Variants in PREX2 observed in about 807,000 individuals in gnomAD.
PREX2 encodes the protein phosphatidylinositol-3,4,5-trisphosphate dependent Rac exchange factor 2, also known as phosphatidylinositol 3,4,5-trisphosphate-dependent Rac exchanger 2 protein.
In PREX2, 107 loss-of-function variants were observed where a neutral mutation model predicts 203.2. That is an observed-to-expected ratio of 0.53 (90% CI 0.45 to 0.62). The LOEUF is 0.62. PREX2 is among the 20% of genes least tolerant of loss of function. PREX2 has a pLI of 0.00. For missense variants in PREX2, 1,777 were observed against 1,955.9 expected, an observed-to-expected ratio of 0.91 and a Z score of 1.72; for synonymous variants, 672 against 663.6, an observed-to-expected ratio of 1.01 and a Z score of -0.19.
At chr8:68,010,118 C>T (rs2129609967) in intron 1 of PREX2, among the ~76,000 whole-genome samples, 1 of 152,298 alleles carries the variant, frequency 6.6e-6, no homozygotes, top group South Asian at 2.1e-4. Flanking sequence ...TAAACTTTTT[C>T]TATCTTCTAC....
intron 10 of PREX2, among the ~76,000 whole-genome samples, chr8:68,060,459 AGT>A: frequency 6.6e-6 from 1 of 152,408 alleles, no homozygotes; most frequent in East Asian, 1.9e-4. Flanking sequence ...AGTATAGTTT[AGT>A]AATGTCAGAA....
chr8:68,047,469 T>TTATATATATA (rs3056653), intron 8 of PREX2, among the ~76,000 whole-genome samples: 25 of 117,598 alleles, frequency 2.1e-4, no homozygotes, highest in Non-Finnish European at 3.7e-4. Flanking sequence ...ATGGATGAAT[T>TTATATATATA]TATATATATA....
intron 1 of PREX2, among the ~76,000 whole-genome samples, chr8:67,995,714 G>C (rs898601504): frequency 6.6e-5 from 10 of 152,086 alleles, no homozygotes; most frequent in Non-Finnish European, 1.3e-4. Flanking sequence ...AACGTAATTT[G>C]TTTATCCATT....
chr8:68,226,777 G>C (rs1813064340), intron 39 of PREX2, among the ~76,000 whole-genome samples: 1 of 152,194 alleles, frequency 6.6e-6, no homozygotes, highest in Non-Finnish European at 1.5e-5. Context: ...ATAGTACACA[G>C]TGTGTGATGG....
chr8:68,040,401 C>T (rs1808163194), intron 7 of PREX2, among the ~76,000 whole-genome samples: 1 of 152,102 alleles, frequency 6.6e-6, no homozygotes, highest in African/African-American at 2.4e-5. Flanking sequence ...CTGCCTCTCA[C>T]ATCATCACAT....
chr8:68,003,356 A>G (rs1181972169), intron 1 of PREX2, among the ~76,000 whole-genome samples: 1 of 99,578 alleles, frequency 1.0e-5, no homozygotes, highest in Non-Finnish European at 2.4e-5. Flanking sequence ...TGATTAAAAC[A>G]ATGTGACTCT....
At chr8:67,960,789 T>C (rs1490841727) in intron 1 of PREX2, among the ~76,000 whole-genome samples, 1 of 152,084 alleles carries the variant, frequency 6.6e-6, no homozygotes, top group Non-Finnish European at 1.5e-5. Context: ...AAGAGAACCG[T>C]AATGATTTGG....
intron 1 of PREX2, among the ~76,000 whole-genome samples, chr8:67,956,263 C>T (rs1407171788): frequency 6.6e-6 from 1 of 152,208 alleles, no homozygotes; most frequent in Non-Finnish European, 1.5e-5. Context: ...TTCCTGTTTG[C>T]AAACCTGTGA....
chr8:68,224,605 G>A lies in PREX2; in HGVS notation c.4754G>A (p.Arg1585Gln), dbSNP rs746734356. ...NTAKNLGVRD[R>Q]TPQSAPRLYK... ...GCGAAGAATTTGGGAGTCAGAGACCGGACTCCACAGTCTGCACCAAGGTAA... is the reference window on the plus strand; with the variant it reads ...GCGAAGAATTTGGGAGTCAGAGACCAGACTCCACAGTCTGCACCAAGGTAA... The change falls in exon 39 of 40, where the codon CGG (arginine) becomes CAG (glutamine). Residue 1585 changes from arginine (R) to glutamine (Q), a missense_variant. By Grantham distance (43) the Arg-to-Gln change is conservative (BLOSUM62 1). Coordinates refer to ENST00000288368, the MANE Select transcript of PREX2 (RefSeq NM_024870.4). The A allele has an allele frequency of 1.4e-5, 22 of 1,613,184 alleles. No homozygotes were observed. The Middle Eastern group carries it at 8.2e-4, about 60-fold the overall frequency.
At chr8:68,108,420 C>T in intron 24 of PREX2, 89 bp downstream of exon 24, 1 of 836,988 alleles carries the variant, frequency 1.2e-6, no homozygotes, top group Non-Finnish European at 1.9e-6. Context: ...CAATAGATAC[C>T]TGGTGTGCAA....
At chr8:68,120,388 T>C (rs185031462) in intron 29 of PREX2, 102 bp downstream of exon 29, 7 of 734,678 alleles carry the variant, frequency 9.5e-6, no homozygotes, top group African/African-American at 8.7e-5. Context: ...ACAATTCCAG[T>C]TACTCATGTT....
chr8:68,022,294 T>G (rs1285147737), intron 4 of PREX2, among the ~76,000 whole-genome samples, 154 bp downstream of exon 4: 1 of 152,052 alleles, frequency 6.6e-6, no homozygotes, highest in Non-Finnish European at 1.5e-5. Flanking sequence ...AAAATAAAAG[T>G]GAGAGCTGGG....
intron 37 of PREX2, among the ~76,000 whole-genome samples, chr8:68,200,601 A>G (rs1563584882): frequency 7.1e-6 from 1 of 141,262 alleles, no homozygotes; most frequent in Non-Finnish European, 1.5e-5. Context: ...ATGTGATATC[A>G]TTGTCTCTTT....
At chr8:68,001,750 A>G (rs1433705166) in intron 1 of PREX2, among the ~76,000 whole-genome samples, 1 of 152,248 alleles carries the variant, frequency 6.6e-6, no homozygotes, top group East Asian at 1.9e-4. Context: ...CATACCACAG[A>G]ATACTATACA....
At position 68,003,418 on chromosome 8, in the gene PREX2, T is replaced by C. The variant is rs140097329; in HGVS notation, c.142-14428T>C. Among the ~76,000 whole-genome samples, 929 of 152,312 alleles carry C rather than the reference T, an allele frequency of 6.1e-3. 18 individuals are homozygous for C. Among genetic ancestry groups the C allele is most frequent in the African/African-American group, 0.021 (891 of 41,554 alleles). ...AAAAGATTATTGGAGGTTAAGGGTC[T>C]GGGGCCACCTTTCTTGGGTGGAGCT... On this transcript the variant is annotated intron_variant, in intron 1 of 39. Coordinates refer to ENST00000288368, the MANE Select transcript of PREX2 (RefSeq NM_024870.4).
rs76343829 is a variant in PREX2 at position 68,175,184 on chromosome 8, G to A, written c.4347-16538G>A. Among the ~76,000 whole-genome samples the A allele has an allele frequency of 4.7e-3, 721 of 152,260 alleles. 6 individuals carry two copies. The highest frequency in any genetic ancestry group is 0.016 in the African/African-American group (674 of 41,542). ...AGTTCTGACAGATGACTACCGGTGG[G>A]CCAGGCGGAGAGCAGTGGAGAAGCT... is the stretch of plus-strand genomic sequence containing the variant. On this transcript the variant is annotated intron_variant, in intron 35 of 39. Transcript: ENST00000288368.
At chr8:68,201,025 C>T (rs899605895) in intron 37 of PREX2, among the ~76,000 whole-genome samples, 2 of 152,128 alleles carry the variant, frequency 1.3e-5, no homozygotes, top group Non-Finnish European at 2.9e-5. Context: ...ACAGTATCTA[C>T]TTTAAAAACG....
At chr8:68,179,353 G>T (rs188787099) in intron 35 of PREX2, among the ~76,000 whole-genome samples, 121 of 152,048 alleles carry the variant, frequency 8.0e-4, no homozygotes, top group African/African-American at 2.1e-3. Context: ...TTTTAAAGCT[G>T]CTGAGAGATG....
At chr8:68,159,988 A>G (rs1221837364) in intron 35 of PREX2, among the ~76,000 whole-genome samples, 1 of 152,182 alleles carries the variant, frequency 6.6e-6, no homozygotes, top group Non-Finnish European at 1.5e-5. Flanking sequence ...TTGACTCTAG[A>G]AAATAAAACA....
Sources: allele counts gnomAD v4.1 joint callset (sites outside exome capture counted in the v4.1 genomes callset), GRCh38; gene constraint gnomAD v4.1.1; transcripts MANE v1.5; gene names NCBI Gene and HGNC (gene_info 2026-07-23, HGNC 2026-07-21).